The following TENM2 variants were observed in gnomAD, a reference collection of about 807,000 sequenced individuals.
TENM2 encodes teneurin-2.
A neutral mutation model predicts 245.2 loss-of-function variants in TENM2; 52 were observed. The observed-to-expected ratio is 0.21, with a 90% confidence interval of 0.17 to 0.27. TENM2 has a LOEUF of 0.27. Ranked by LOEUF, TENM2 falls within the 10% of genes least tolerant of loss-of-function variation. TENM2 has a pLI of 1.00. For synonymous variants in TENM2, 1,363 were observed against 1,438.9 expected (o/e 0.95, Z 1.19); for missense variants, 3,046 against 3,666.8 (o/e 0.83, Z 4.37).
intron 2 of TENM2, among the ~76,000 whole-genome samples, chr5:167,593,784 G>A (rs998639427): frequency 4.6e-5 from 7 of 152,182 alleles, no homozygotes; most frequent in African/African-American, 1.4e-4. Flanking sequence ...CTTCTTCCTG[G>A]TGTCGGAGAT....
At chr5:167,255,612 A>G in the TENM2 span, among the ~76,000 whole-genome samples, 3 of 152,162 alleles carry the variant, frequency 2.0e-5, no homozygotes, top group Non-Finnish European at 4.4e-5. Flanking sequence ...ATGAAAACGT[A>G]GATTTCGATT....
the TENM2 span, among the ~76,000 whole-genome samples, chr5:167,158,886 TC>T: frequency 2.5e-4 from 36 of 142,400 alleles, no homozygotes; most frequent in Non-Finnish European, 4.0e-4. Context: ...CTTCCTTCCT[TC>T]CTTCCTTCCT....
At chr5:167,433,082 C>T (rs1468381272) in intron 2 of TENM2, among the ~76,000 whole-genome samples, 1 of 151,642 alleles carries the variant, frequency 6.6e-6, no homozygotes, top group Admixed American at 6.6e-5. Flanking sequence ...TTTCACTTCC[C>T]AAAGTATTAA....
At chr5:168,026,387 A>C (rs1786632299) in intron 5 of TENM2, among the ~76,000 whole-genome samples, 1 of 152,226 alleles carries the variant, frequency 6.6e-6, no homozygotes, top group Non-Finnish European at 1.5e-5. Context: ...GAGCAGCAGA[A>C]GAGATGCCGA....
intron 2 of TENM2, among the ~76,000 whole-genome samples, chr5:167,585,414 T>G (rs1279460306): frequency 6.6e-6 from 1 of 152,248 alleles, no homozygotes; most frequent in Non-Finnish European, 1.5e-5. Flanking sequence ...ACTCTGAGCA[T>G]TGTGATCATG....
chr5:167,202,797 GAT>G, the TENM2 span, among the ~76,000 whole-genome samples: 9 of 152,104 alleles, frequency 5.9e-5, no homozygotes, highest in Non-Finnish European at 1.3e-4. Flanking sequence ...CTGTGTCTGA[GAT>G]CCATCCTTCC....
intron 2 of TENM2, among the ~76,000 whole-genome samples, chr5:167,813,435 G>A (rs1173233690): frequency 6.6e-6 from 1 of 151,846 alleles, no homozygotes; most frequent in Non-Finnish European, 1.5e-5. Flanking sequence ...ACTAAGGTCA[G>A]CACTGGAAAC....
chr5:167,010,665 T>C, the TENM2 span, among the ~76,000 whole-genome samples: 1 of 152,240 alleles, frequency 6.6e-6, no homozygotes. Context: ...GTTCCTCCTT[T>C]AAAAATTTCA....
intron 2 of TENM2, among the ~76,000 whole-genome samples, chr5:167,645,554 T>A (rs1213334016): frequency 2.0e-5 from 3 of 151,848 alleles, no homozygotes; most frequent in African/African-American, 7.3e-5. Context: ...GACATATAAT[T>A]TAGAAAGCAG....
intron 2 of TENM2, among the ~76,000 whole-genome samples, chr5:167,820,170 G>A (rs1438882142): frequency 6.6e-6 from 1 of 151,982 alleles, no homozygotes; most frequent in African/African-American, 2.4e-5. Flanking sequence ...TTCCCTCTTG[G>A]CTTCTAATAG....
the TENM2 span, among the ~76,000 whole-genome samples, chr5:167,252,620 C>T: frequency 2.0e-5 from 3 of 152,044 alleles, no homozygotes; most frequent in Admixed American, 6.6e-5. Context: ...CCTTTCCATT[C>T]GTGGCTCTCA....
At chr5:167,396,363 G>A (rs1762052470) in intron 2 of TENM2, among the ~76,000 whole-genome samples, 1 of 152,098 alleles carries the variant, frequency 6.6e-6, no homozygotes, top group South Asian at 2.1e-4. Flanking sequence ...AATCTCAGAA[G>A]AACATATACA....
the TENM2 span, among the ~76,000 whole-genome samples, chr5:167,065,169 C>T: frequency 6.6e-6 from 1 of 151,956 alleles, no homozygotes; most frequent in African/African-American, 2.4e-5. Flanking sequence ...GAATGTGTAT[C>T]CCTCACTTTT....
intron 2 of TENM2, among the ~76,000 whole-genome samples, chr5:167,531,166 C>A (rs1771473486): frequency 1.3e-5 from 2 of 152,100 alleles, no homozygotes; most frequent in African/African-American, 2.4e-5. Flanking sequence ...TTGTATTCCC[C>A]CCTTATACCT....
At chr5:167,056,640 TA>T in the TENM2 span, among the ~76,000 whole-genome samples, 1 of 147,140 alleles carries the variant, frequency 6.8e-6, no homozygotes, top group South Asian at 2.1e-4. Context: ...TATATCTATA[TA>T]AATATATCTA....
chr5:167,927,067 A>C (rs543536045), intron 3 of TENM2, among the ~76,000 whole-genome samples: 33 of 152,156 alleles, frequency 2.2e-4, no homozygotes, highest in African/African-American at 6.5e-4. Context: ...TAGGTAGCCC[A>C]TTGTATTCGT....
chr5:167,682,148 T>C (rs201535960), intron 2 of TENM2, among the ~76,000 whole-genome samples: 6 of 126,976 alleles, frequency 4.7e-5, no homozygotes, highest in African/African-American at 2.1e-4. Context: ...CTGCCTGCGT[T>C]CCTTCCTTCC....
the TENM2 span, among the ~76,000 whole-genome samples, chr5:167,051,066 G>A: frequency 6.6e-6 from 1 of 151,932 alleles, no homozygotes; most frequent in Admixed American, 6.6e-5. Flanking sequence ...CCAATACACG[G>A]TTTCCACATG....
At chr5:167,968,210 C>A (rs1289931101) in intron 4 of TENM2, among the ~76,000 whole-genome samples, 2 of 152,132 alleles carry the variant, frequency 1.3e-5, no homozygotes, top group Non-Finnish European at 2.9e-5. Flanking sequence ...TTTCAAAACC[C>A]ACCAGACAAT....
Sources: gnomAD v4.1 joint callset for allele counts (sites outside exome capture counted in the v4.1 genomes callset) on GRCh38, gnomAD v4.1.1 for gene constraint, MANE v1.5 for transcripts, NCBI Gene and HGNC (gene_info 2026-07-23, HGNC 2026-07-21) for gene names.